The following HUWE1 variants were observed in gnomAD, a reference collection of about 807,000 sequenced individuals.
HUWE1 encodes E3 ubiquitin-protein ligase HUWE1.
Under a neutral mutation model 299.4 loss-of-function variants are expected in HUWE1, and 18 were observed. The ratio of observed to expected loss-of-function variants is 0.06; its 90% CI spans 0.04 to 0.09. HUWE1 has a LOEUF of 0.09. Ranked by LOEUF, HUWE1 falls within the 10% of genes least tolerant of loss-of-function variation. The probability of loss-of-function intolerance (pLI) is 1.00; values close to 1 mark genes in which losing one functional copy is unlikely to be tolerated. For synonymous variants in HUWE1, 1,317 were observed against 1,286.1 expected (o/e 1.02, Z -0.51); for missense variants, 1,832 against 3,462.3 (o/e 0.53, Z 11.82).
Position 53,547,699 on chromosome X carries a change from G to A in HUWE1, c.10610C>T (p.Pro3537Leu), listed in dbSNP as rs1309601872. The A allele has an allele frequency of 8.3e-7, 1 of 1,208,242 alleles. No individual in the cohort carries two copies. The highest frequency in any genetic ancestry group is 1.1e-6 in the Non-Finnish European group (1 of 894,228). Residue 3537 changes from proline (P) to leucine (L), a missense_variant, in exon 68 of 84, where the codon CCC becomes CTC. This residue lies in a region of HUWE1 where 119 missense variants were observed against 124.6 expected (regional missense o/e 0.96). Transcript: ENST00000262854. ...TGAAACAGTAGTGGTAGCAGTCGTG[G>A]GGGTAGTCACTGTGGTCGAAGCAGC... ...VVAASTTVTTPTTATTTVSIS... is the reference protein window; with the variant it reads ...VVAASTTVTTLTTATTTVSIS...
Position 53,543,910 on chromosome X carries a change from A to G in HUWE1, c.11310T>C (p.Ala3770=). The G allele has an allele frequency of 8.3e-7, 1 of 1,210,105 alleles. No homozygotes were observed. The highest frequency in any genetic ancestry group is 1.8e-5 in the South Asian group (1 of 56,479). The change falls in exon 73 of 84, where the codon GCT becomes GCC. Residue 3770 remains alanine, a synonymous_variant. Transcript: ENST00000262854. ...SIQAAVRQLE[A]EADAIIQMVR... Reference sequence around the variant, plus strand: ...CCATTTGTATAATGGCATCAGCCTCAGCCTCCAGCTGCCGAACAGCTGCCT... The same window carrying G: ...CCATTTGTATAATGGCATCAGCCTCGGCCTCCAGCTGCCGAACAGCTGCCT...
At chrX:53,667,844 G>A (rs1483360697) in intron 3 of HUWE1, among the ~76,000 whole-genome samples, 8 of 111,344 alleles carry the variant, frequency 7.2e-5, no homozygotes, top group African/African-American at 9.8e-5. Context: ...CCCAGAAGAC[G>A]GTCAACAGCT....
In HUWE1 at chrX:53,600,196, C is replaced by T; in HGVS notation, c.3085G>A (p.Ala1029Thr). 2 of 1,210,032 alleles carry T rather than the reference C, an allele frequency of 1.7e-6. No homozygotes were observed. Among genetic ancestry groups the T allele is most frequent in the Non-Finnish European group, 1.1e-6 (1 of 893,823 alleles). ...LAPMETDEPTASDSKGKSKIT... is the reference protein window; with the variant it reads ...LAPMETDEPTTSDSKGKSKIT... ...TTAGATTTGCCCTTAGAGTCTGAAG[C>T]AGTAGGTTCATCTGTCTCCATGGGA... Residue 1029 changes from alanine to threonine, a missense_variant, in exon 29 of 84, where the codon GCT (alanine) becomes ACT (threonine). Around this residue, in one of 15 missense-constraint regions of HUWE1, gnomAD observed 658 missense variants for 1,282.6 expected, o/e 0.51. Transcript: ENST00000262854.
intron 3 of HUWE1, among the ~76,000 whole-genome samples, chrX:53,667,687 AAAC>A (rs1444052547): frequency 8.9e-6 from 1 of 112,163 alleles, no homozygotes; most frequent in Non-Finnish European, 1.9e-5. Flanking sequence ...ATACAAGAAC[AAAC>A]AACATAGCAA....
intron 3 of HUWE1, among the ~76,000 whole-genome samples, chrX:53,678,586 A>G (rs190629666): frequency 5.4e-5 from 6 of 111,871 alleles, no homozygotes; most frequent in African/African-American, 1.9e-4. Context: ...TAGGAAAACT[A>G]AGGTTGTGTA....
At chrX:53,609,796 G>T (rs1003218414) in intron 23 of HUWE1, among the ~76,000 whole-genome samples, 1 of 112,243 alleles carries the variant, frequency 8.9e-6, no homozygotes, top group Non-Finnish European at 1.9e-5. Flanking sequence ...GACAGAGGGA[G>T]AGGTAGAGGA....
At chrX:53,668,204 G>A (rs2069343028) in intron 3 of HUWE1, among the ~76,000 whole-genome samples, 1 of 110,376 alleles carries the variant, frequency 9.1e-6, no homozygotes, top group South Asian at 3.9e-4. Flanking sequence ...AGCACTTTGG[G>A]AGGCTGAGGT....
chrX:53,564,436 C>G lies in HUWE1; in HGVS notation c.7029+138G>C, dbSNP rs979001174. The G allele has an allele frequency of 1.8e-5, 12 of 681,655 alleles. No individual in the cohort carries two copies. The Admixed American group carries it at 3.2e-4, about 18-fold the overall frequency. 56.2% of individuals were successfully genotyped at this position (681,655 alleles called of 1,213,427 possible). A position where few individuals can be genotyped will look rare whatever the true frequency, so the allele number is the denominator to read the frequency against. On this transcript the variant is annotated intron_variant, in intron 51 of 83. Coordinates refer to ENST00000262854, the MANE Select transcript of HUWE1 (RefSeq NM_031407.7). ...TACAAACACATTTACTGAGCATCTA[C>G]TAAGCATATCACCCATGCTCCTCTG...
intron 9 of HUWE1, 44 bp from the exon 10 acceptor site, chrX:53,631,658 A>G (rs782685278): frequency 3.1e-6 from 3 of 983,303 alleles, no homozygotes; most frequent in Non-Finnish European, 4.3e-6. Context: ...GTCACTGAAC[A>G]CTCTAGCTTC....
In HUWE1 at chrX:53,600,305, C is replaced by G; in HGVS notation, c.2976G>C (p.Gly992=). 1 of 1,197,526 alleles carries G rather than the reference C, an allele frequency of 8.4e-7. No homozygotes were observed. Among genetic ancestry groups the G allele is most frequent in the Non-Finnish European group, 1.1e-6 (1 of 884,707 alleles). ...GTTQGGKRSD[G]EQDGAAGSMD... ...TACTTCCAGCTGCTCCATCCTGTTCCCCATCTACAGATGTATAAGAGGGGA... is the reference window on the plus strand; with the variant it reads ...TACTTCCAGCTGCTCCATCCTGTTCGCCATCTACAGATGTATAAGAGGGGA... The change falls in exon 29 of 84, where the codon GGG becomes GGC. Residue 992 remains glycine, a synonymous_variant. Coordinates refer to ENST00000262854, the MANE Select transcript of HUWE1 (RefSeq NM_031407.7).
intron 17 of HUWE1, chrX:53,625,885 G>T (rs74381511): frequency 6.1e-6 from 2 of 326,057 alleles, no homozygotes; most frequent in Non-Finnish European, 6.1e-6. Flanking sequence ...CCGGGGCCAG[G>T]GCCGGTGCCG....
intron 19 of HUWE1, among the ~76,000 whole-genome samples, chrX:53,617,847 T>C (rs2065887818): frequency 1.8e-5 from 2 of 112,051 alleles, no homozygotes; most frequent in South Asian, 7.4e-4. Flanking sequence ...CCTAAACATA[T>C]ATCCGTTTTT....
At chrX:53,612,138 T>A (rs1470400317) in intron 23 of HUWE1, among the ~76,000 whole-genome samples, 2 of 111,992 alleles carry the variant, frequency 1.8e-5, no homozygotes, top group African/African-American at 6.5e-5. Flanking sequence ...ATATTGTGGT[T>A]TTCAAAATGA....
chrX:53,535,543 C>G (rs812915), intron 80 of HUWE1, 42 bp from the exon 81 acceptor site: 13 of 900,181 alleles, frequency 1.4e-5, no homozygotes, highest in Non-Finnish European at 2.0e-5. Context: ...CAGACTTCAT[C>G]TAGGATGGGA....
chrX:53,585,889 G>A (rs1443726226), intron 39 of HUWE1, among the ~76,000 whole-genome samples: 2 of 111,129 alleles, frequency 1.8e-5, no homozygotes, highest in African/African-American at 6.6e-5. Context: ...GTTTCACCAT[G>A]TGTTGCCCAA....
chrX:53,624,167 T>C (rs1046668506), intron 19 of HUWE1, among the ~76,000 whole-genome samples: 1 of 111,054 alleles, frequency 9.0e-6, no homozygotes, highest in Non-Finnish European at 1.9e-5. Flanking sequence ...AGGTAGACAG[T>C]AGAGATGGGG....
chrX:53,667,102 T>C (rs1226189558), intron 3 of HUWE1, among the ~76,000 whole-genome samples: 1 of 111,416 alleles, frequency 9.0e-6, no homozygotes, highest in Non-Finnish European at 1.9e-5. Context: ...TTAGAAGCAA[T>C]CGTAATATAA....
intron 60 of HUWE1, chrX:53,556,110 G>A: frequency 3.2e-6 from 1 of 313,360 alleles, no homozygotes; most frequent in Non-Finnish European, 6.4e-6. Flanking sequence ...AATGACATCT[G>A]CCTCACCCTA....
At chrX:53,643,834 T>A (rs2067784120) in intron 7 of HUWE1, among the ~76,000 whole-genome samples, 1 of 112,124 alleles carries the variant, frequency 8.9e-6, no homozygotes, top group Non-Finnish European at 1.9e-5. Context: ...TTTTCTTTTT[T>A]AGAGACAGAG....
Sources: allele counts gnomAD v4.1 joint callset (sites outside exome capture counted in the v4.1 genomes callset), GRCh38; gene constraint gnomAD v4.1.1; regional missense constraint gnomAD v4.1.1; transcripts MANE v1.5; gene names NCBI Gene and HGNC (gene_info 2026-07-23, HGNC 2026-07-21).